The following ZNF330 variants were observed in gnomAD, a reference collection of about 807,000 sequenced individuals.
The protein encoded by ZNF330 is zinc finger protein 330.
Under a neutral mutation model 45.5 loss-of-function variants are expected in ZNF330, and 31 were observed. The observed-to-expected ratio is 0.68, with a 90% CI of 0.51 to 0.92. ZNF330 has a LOEUF of 0.92. ZNF330 is among the 40% of genes least tolerant of loss of function. The pLI is 0.00. For missense variants in ZNF330, 356 were observed against 387.4 expected (o/e 0.92, Z 0.68); for synonymous variants, 138 against 123.2 (o/e 1.12, Z -0.79).
At chr4:141,224,319 TTTG>T (rs1429369412) in intron 2 of ZNF330, among the ~76,000 whole-genome samples, 165 bp from the exon 3 acceptor site, 1 of 152,162 alleles carries the variant, frequency 6.6e-6, no homozygotes, top group African/African-American at 2.4e-5. Flanking sequence ...CTCGCATACC[TTTG>T]TTATTTTAAG....
rs574044759 is a variant in ZNF330 at position 141,230,709 on chromosome 4, G to T, written c.523+439G>T. ...CTGTATATCAAAAATACCTGTGGAGGTTTTAAAAATAATGTAGATGTCCAG... is the reference window on the plus strand; with the variant it reads ...CTGTATATCAAAAATACCTGTGGAGTTTTTAAAAATAATGTAGATGTCCAG... On this transcript the variant is annotated intron_variant, in intron 7 of 9. Transcript: ENST00000262990. Among the ~76,000 whole-genome samples, 420 of 152,184 alleles carry T rather than the reference G, an allele frequency of 2.8e-3. 2 individuals are homozygous for T. Among genetic ancestry groups the T allele is most frequent in the African/African-American group, 9.6e-3 (398 of 41,536 alleles).
At chr4:141,230,345 G>C in intron 7 of ZNF330, 75 bp downstream of exon 7, 1 of 884,762 alleles carries the variant, frequency 1.1e-6, no homozygotes, top group Non-Finnish European at 1.7e-6. Flanking sequence ...AATGAAAAAG[G>C]AATCAAGTTT....
rs1728898422 is a variant in ZNF330, at chr4:141,229,617, A to T, written c.338A>T (p.Lys113Ile). Residue 113 changes from lysine (K) to isoleucine (I), a missense_variant, in exon 6 of 10, where the codon AAA becomes ATA. Transcript: ENST00000262990. ...GAAGCTTGGGTTTGCCATGGTAGGA[A>T]ATGTCTCAGTACACATGCTTGTGCC... ...FCEAWVCHGRKCLSTHACACP... is the reference protein window; with the variant it reads ...FCEAWVCHGRICLSTHACACP... 6.2e-7 allele frequency: 1 copy of T among 1,613,140 alleles called. No homozygotes were observed. Among genetic ancestry groups the T allele is most frequent in the Non-Finnish European group, 8.5e-7 (1 of 1,179,294 alleles).
intron 4 of ZNF330, among the ~76,000 whole-genome samples, chr4:141,225,277 C>A (rs951454129): frequency 6.6e-6 from 1 of 152,058 alleles, no homozygotes. Context: ...TAAATGTTAG[C>A]AAGATGGGTG....
At chr4:141,231,233 C>T (rs1578813414) in intron 7 of ZNF330, among the ~76,000 whole-genome samples, 1 of 152,078 alleles carries the variant, frequency 6.6e-6, no homozygotes. Context: ...AGCCTTTCGT[C>T]GCCTTTTGCA....
At chr4:141,223,950 T>G in intron 2 of ZNF330, 1 of 345,014 alleles carries the variant, frequency 2.9e-6, no homozygotes, top group South Asian at 2.4e-5. Flanking sequence ...ATTAGTGACT[T>G]GAGTCTAAAA....
In ZNF330 at chr4:141,234,031, A is replaced by AGT. The variant is rs1254867379; in HGVS notation, c.*50_*51dup. On this transcript the variant is annotated 3_prime_UTR_variant, in exon 10 of 10. Transcript: ENST00000262990. ...GCCGTGTGTGAGAGGAGCAGGAGTG[A>AGT]GTGTGTGTGCTTGATGAATTGTGTG... 8.9e-6 allele frequency: 14 copies of AGT among 1,572,746 alleles called. No individual in the cohort carries two copies. In the South Asian group the frequency reaches 1.7e-4, roughly 19 times the overall value.
At position 141,233,881 on chromosome 4, in the gene ZNF330, T is replaced by G. The variant is rs754581770; in HGVS notation, c.855T>G (p.Asp285Glu). 6.2e-7 allele frequency: 1 copy of G among 1,613,700 alleles called. No individual in the cohort carries two copies. The highest frequency in any genetic ancestry group is 1.1e-5 in the South Asian group (1 of 91,068). ...YEAEDDEEEE[D>E]EGRKDSDTES... ...CAGAGGATGATGAAGAGGAAGAAGATGAAGGCAGAAAGGATTCAGATACTG... is the reference window on the plus strand; with the variant it reads ...CAGAGGATGATGAAGAGGAAGAAGAGGAAGGCAGAAAGGATTCAGATACTG... The change falls in exon 10 of 10, where the codon GAT becomes GAG. Residue 285 changes from aspartate (D) to glutamate (E), a missense_variant. Transcript: ENST00000262990.
rs1185226147 is a variant in ZNF330, at chr4:141,222,701, C to T, written c.120+210C>T. The T allele has an allele frequency of 7.6e-6, 3 of 393,956 alleles. No homozygotes were observed. The East Asian group carries it at 1.2e-4, about 16-fold the overall frequency. The allele number at this position is 393,956 out of a possible 1,614,324, so 24.4% of individuals were successfully genotyped here. A position where few individuals can be genotyped will look rare whatever the true frequency, so the allele number is the denominator to read the frequency against. On this transcript the variant is annotated intron_variant, in intron 2 of 9. Coordinates refer to ENST00000262990, the MANE Select transcript of ZNF330 (RefSeq NM_014487.6). ...TTATAAAACCTAGCATATTACTTTACATACTGTTGGTGATAAAGGTAGATA... is the reference window on the plus strand; with the variant it reads ...TTATAAAACCTAGCATATTACTTTATATACTGTTGGTGATAAAGGTAGATA...
intron 5 of ZNF330, 47 bp downstream of exon 5, chr4:141,226,893 A>C (rs1578809670): frequency 6.9e-7 from 1 of 1,456,510 alleles, no homozygotes; most frequent in African/African-American, 1.4e-5. Flanking sequence ...CAAGGATAAG[A>C]AAATGTCATT....
chr4:141,229,738 A>G lies in ZNF330; in HGVS notation c.418+41A>G, dbSNP rs115461197. On this transcript the variant is annotated intron_variant, in intron 6 of 9. Coordinates refer to ENST00000262990, the MANE Select transcript of ZNF330 (RefSeq NM_014487.6). Reference sequence around the variant, plus strand: ...CAAGTAATGAGCTTTGTTATAGGTGAATGTTGACTTTGAAACATTTTGAAT... The same window carrying G: ...CAAGTAATGAGCTTTGTTATAGGTGGATGTTGACTTTGAAACATTTTGAAT... 3.1e-4 allele frequency: 492 copies of G among 1,611,224 alleles called. 4 individuals carry two copies. The African/African-American group carries it at 6.1e-3, about 20-fold the overall frequency.
rs1229961836 is a variant in ZNF330 at position 141,226,856 on chromosome 4, T to G, written c.291+10T>G. On this transcript the variant is annotated intron_variant, in intron 5 of 9. Transcript: ENST00000262990. ...TGGCCTTGCAATGGTGGTAAGCTTC[T>G]TATTATCTCTTAGACTAGTACGTTT... 1 of 1,603,342 alleles carries G rather than the reference T, an allele frequency of 6.2e-7. No homozygotes were observed. Among genetic ancestry groups the G allele is most frequent in the African/African-American group, 1.3e-5 (1 of 74,622 alleles).
At chr4:141,220,852 G>A (rs1728653160), upstream of ZNF330, 1 of 152,296 alleles carries the variant, frequency 6.6e-6, no homozygotes, top group Admixed American at 6.5e-5. Flanking sequence ...GGAGCGAACA[G>A]AGGTGGGCGG....
rs1395361763 is a variant in ZNF330, at chr4:141,221,061, C to T, written c.-54C>T. 1 of 152,284 alleles carries T rather than the reference C, an allele frequency of 6.6e-6. No homozygotes were observed. The highest frequency in any genetic ancestry group is 1.5e-5 in the Non-Finnish European group (1 of 68,082). 9.4% of individuals were successfully genotyped at this position (152,284 alleles called of 1,614,324 possible). ...CTGTCCCTCGGCCCCCTGAGTGAGT[C>T]CGGTCTCCCGGCGAAAGTGAGCGAG... is the stretch of plus-strand genomic sequence containing the variant. On this transcript the variant is annotated 5_prime_UTR_variant, in exon 1 of 10. Coordinates refer to ENST00000262990, the MANE Select transcript of ZNF330 (RefSeq NM_014487.6).
Position 141,232,563 on chromosome 4 carries a change from T to G in ZNF330, c.609T>G (p.Phe203Leu). 1.2e-6 allele frequency: 2 copies of G among 1,600,928 alleles called. No homozygotes were observed. Among genetic ancestry groups the G allele is most frequent in the Non-Finnish European group, 1.7e-6 (2 of 1,173,680 alleles). Residue 203 changes from phenylalanine to leucine, a missense_variant, in exon 9 of 10, where the codon TTT becomes TTG. Phe to Leu is a conservative substitution (Grantham distance 22, BLOSUM62 0). Transcript: ENST00000262990. Reference sequence around the variant, plus strand: ...ATGATCATACAAGGAGCAAAGTGTTTAAGCAAGAAAAAGGAAAACAGCCTC... The same window carrying G: ...ATGATCATACAAGGAGCAAAGTGTTGAAGCAAGAAAAAGGAAAACAGCCTC... ...FCDDHTRSKV[F>L]KQEKGKQPPC...
rs1012966723 is a variant in ZNF330, at chr4:141,231,320, A to G, written c.524-119A>G. On this transcript the variant is annotated intron_variant, in intron 7 of 9. Transcript: ENST00000262990. ...GTGTTTTATAGCATTTGAACCCAAA[A>G]GACAGGCAGCTGTCTATAAGGCTAT... The G allele has an allele frequency of 1.3e-5, 9 of 706,892 alleles. No homozygotes were observed. The African/African-American group carries it at 1.3e-4, about 10-fold the overall frequency. 43.8% of individuals were successfully genotyped at this position (706,892 alleles called of 1,614,324 possible). A position where few individuals can be genotyped will look rare whatever the true frequency, so the allele number is the denominator to read the frequency against.
chr4:141,227,402 C>T (rs1231849513), intron 5 of ZNF330, among the ~76,000 whole-genome samples: 1 of 151,772 alleles, frequency 6.6e-6, no homozygotes, highest in East Asian at 1.9e-4. Context: ...GGTTTTTTGT[C>T]CTTGCGATAG....
chr4:141,226,934 A>G, intron 5 of ZNF330, 88 bp downstream of exon 5: 1 of 1,061,532 alleles, frequency 9.4e-7, no homozygotes, highest in South Asian at 1.5e-5. Flanking sequence ...TCTAAATATC[A>G]TTGCTTTGTC....
chr4:141,224,743 G>A, intron 4 of ZNF330, 66 bp downstream of exon 4: 1 of 1,409,882 alleles, frequency 7.1e-7, no homozygotes, highest in Non-Finnish European at 1.0e-6. Context: ...TTGAACTTGG[G>A]TGGGTTTGTT....
Sources: gnomAD v4.1 joint callset for allele counts (sites outside exome capture counted in the v4.1 genomes callset) on GRCh38, gnomAD v4.1.1 for gene constraint, MANE v1.5 for transcripts, NCBI Gene and HGNC (gene_info 2026-07-23, HGNC 2026-07-21) for gene names.